Variants in HIVEP2 observed in about 807,000 individuals in gnomAD.
HIVEP2 encodes the protein transcription factor HIVEP2.
Under a neutral mutation model 180.7 loss-of-function variants are expected in HIVEP2, and 14 were observed. That is an observed-to-expected ratio of 0.08 (90% CI 0.05 to 0.12). The LOEUF is 0.12. HIVEP2 is among the 10% of genes least tolerant of loss of function. The probability of loss-of-function intolerance (pLI) is 1.00; values close to 1 mark genes in which losing one functional copy is unlikely to be tolerated. For missense variants in HIVEP2, 2,579 were observed against 3,008.5 expected (o/e 0.86, Z 3.34); for synonymous variants, 1,184 against 1,136.4 (o/e 1.04, Z -0.84).
intron 9 of HIVEP2, among the ~76,000 whole-genome samples, chr6:142,754,739 C>T (rs197474): frequency 0.31 from 47,684 of 152,068 alleles, 7,878 homozygotes; most frequent in East Asian, 0.56. Flanking sequence ...TTCTTTTGTT[C>T]ATATTATCAT....
intron 2 of HIVEP2, among the ~76,000 whole-genome samples, chr6:142,833,025 T>A (rs1269662448): frequency 6.6e-6 from 1 of 152,200 alleles, no homozygotes; most frequent in Non-Finnish European, 1.5e-5. Flanking sequence ...AGTGGCCACA[T>A]CCACAACGCT....
intron 2 of HIVEP2, among the ~76,000 whole-genome samples, chr6:142,790,039 A>G (rs1378648863): frequency 2.6e-5 from 4 of 152,218 alleles, no homozygotes; most frequent in African/African-American, 7.2e-5. Flanking sequence ...ACCAATTTTC[A>G]GTATAAGCTA....
At chr6:142,830,950 T>C (rs1018475120) in intron 2 of HIVEP2, among the ~76,000 whole-genome samples, 1 of 152,064 alleles carries the variant, frequency 6.6e-6, no homozygotes, top group African/African-American at 2.4e-5. Context: ...TGTCAATCCT[T>C]ATCACTACCC....
chr6:142,875,530 C>T, intron 1 of HIVEP2, among the ~76,000 whole-genome samples: 1 of 152,146 alleles, frequency 6.6e-6, no homozygotes, highest in Non-Finnish European at 1.5e-5. Context: ...GCTTTTGCAG[C>T]CTACAAGGAC....
Position 142,753,377 on chromosome 6 carries a change from G to A in HIVEP2, c.7071C>T (p.Pro2357=), listed in dbSNP as rs779156167. Residue 2357 remains proline, a synonymous_variant, in exon 10 of 10, where the codon CCC becomes CCT. Coordinates refer to ENST00000367603, the MANE Select transcript of HIVEP2 (RefSeq NM_006734.4). ...GPDQPARVQE[P]HQNPLGSAHV... ...GTGCACTTCCCAGGGGGTTCTGGTG[G>A]GGCTCCTGCACCCGCGCTGGCTGAT... 6.2e-7 allele frequency: 1 copy of A among 1,613,838 alleles called. No homozygotes were observed. The highest frequency in any genetic ancestry group is 1.3e-5 in the African/African-American group (1 of 74,914).
intron 2 of HIVEP2, among the ~76,000 whole-genome samples, chr6:142,815,711 C>T (rs1208145387): frequency 6.6e-6 from 1 of 152,308 alleles, no homozygotes; most frequent in East Asian, 1.9e-4. Flanking sequence ...AGGCATTGTG[C>T]TAAGCGTTTC....
At chr6:142,896,708 C>A (rs1037208116) in intron 1 of HIVEP2, among the ~76,000 whole-genome samples, 2 of 152,184 alleles carry the variant, frequency 1.3e-5, no homozygotes, top group Admixed American at 6.5e-5. Context: ...ACAGTTTCTA[C>A]CCATAAACTT....
At chr6:142,811,064 A>T (rs1396188844) in intron 2 of HIVEP2, among the ~76,000 whole-genome samples, 3 of 152,230 alleles carry the variant, frequency 2.0e-5, no homozygotes. Flanking sequence ...TGTTTTGGAC[A>T]GAGTCTCCGA....
At position 142,769,670 on chromosome 6, in the gene HIVEP2, G is replaced by C; in HGVS notation, c.5069C>G (p.Thr1690Arg). The C allele has an allele frequency of 6.2e-7, 1 of 1,614,168 alleles. No homozygotes were observed. The highest frequency in any genetic ancestry group is 8.5e-7 in the Non-Finnish European group (1 of 1,180,018). ...PNPSGLNTKT[T>R]LALLRSKQKI... ...TTGCTTGGACCTCAGAAGAGCCAGC[G>C]TGGTCTTGGTGTTCAATCCTGATGG... is the stretch of plus-strand genomic sequence containing the variant. Residue 1690 changes from threonine (T) to arginine (R), a missense_variant, in exon 5 of 10, where the codon ACG (threonine) becomes AGG (arginine). Coordinates refer to ENST00000367603, the MANE Select transcript of HIVEP2 (RefSeq NM_006734.4).
At chr6:142,944,627 T>G (rs2128442584) in intron 1 of HIVEP2, among the ~76,000 whole-genome samples, 1 of 152,264 alleles carries the variant, frequency 6.6e-6, no homozygotes, top group Admixed American at 6.5e-5. Flanking sequence ...ACCCCCTTCC[T>G]GTGGCTGCAC....
chr6:142,894,238 A>G (rs1449107594), intron 1 of HIVEP2, among the ~76,000 whole-genome samples: 1 of 152,210 alleles, frequency 6.6e-6, no homozygotes, highest in Non-Finnish European at 1.5e-5. Context: ...GCTACAATCT[A>G]TAATATATCA....
At chr6:142,867,042 A>G (rs1047303654) in intron 1 of HIVEP2, among the ~76,000 whole-genome samples, 4 of 152,198 alleles carry the variant, frequency 2.6e-5, no homozygotes, top group Non-Finnish European at 5.9e-5. Context: ...TGACTCCAGT[A>G]TTTCCAACCT....
chr6:142,928,895 C>T (rs1777878712), intron 1 of HIVEP2, among the ~76,000 whole-genome samples: 1 of 152,136 alleles, frequency 6.6e-6, no homozygotes, highest in Non-Finnish European at 1.5e-5. Flanking sequence ...CTGAGAGGGG[C>T]CTGCAAAAAA....
chr6:142,830,763 G>A (rs1775055515), intron 2 of HIVEP2, among the ~76,000 whole-genome samples: 1 of 152,074 alleles, frequency 6.6e-6, no homozygotes, highest in Admixed American at 6.5e-5. Flanking sequence ...TTTACCTCAT[G>A]TTTTCTATTA....
intron 1 of HIVEP2, among the ~76,000 whole-genome samples, chr6:142,897,242 A>G (rs1252752773): frequency 6.6e-6 from 1 of 152,218 alleles, no homozygotes; most frequent in African/African-American, 2.4e-5. Context: ...AGATGAAAAT[A>G]CTACAGCAGG....
chr6:142,913,316 G>C (rs766334083), intron 1 of HIVEP2, among the ~76,000 whole-genome samples: 2 of 152,204 alleles, frequency 1.3e-5, no homozygotes, highest in African/African-American at 2.4e-5. Flanking sequence ...CTATCATTTG[G>C]ATAGTTTCAA....
chr6:142,775,976 T>C (rs1775688414), intron 4 of HIVEP2, among the ~76,000 whole-genome samples, 171 bp downstream of exon 4: 1 of 151,870 alleles, frequency 6.6e-6, no homozygotes, highest in African/African-American at 2.4e-5. Context: ...TATAACTATA[T>C]TTTACAGCTT....
chr6:142,827,775 ATTTTT>A (rs769377560), intron 2 of HIVEP2, among the ~76,000 whole-genome samples: 2,149 of 152,292 alleles, frequency 0.014, 23 homozygotes, highest in Middle Eastern at 0.037. Context: ...GGAGCCTAAC[ATTTTT>A]GCAGTATTTT....
intron 1 of HIVEP2, among the ~76,000 whole-genome samples, chr6:142,857,479 C>T (rs936067587): frequency 6.6e-6 from 1 of 152,178 alleles, no homozygotes; most frequent in Admixed American, 6.5e-5. Context: ...ATAATTATGC[C>T]TGCCTGTCTA....
Sources: allele counts gnomAD v4.1 joint callset (sites outside exome capture counted in the v4.1 genomes callset), GRCh38; gene constraint gnomAD v4.1.1; transcripts MANE v1.5; gene names NCBI Gene and HGNC (gene_info 2026-07-23, HGNC 2026-07-21).